PRKN: variants seen among roughly 807,000 people sequenced by gnomAD.
The protein encoded by PRKN is parkin RBR E3 ubiquitin protein ligase.
PRKN carries 56 observed loss-of-function variants against 59.5 expected under a neutral mutation model. The ratio of observed to expected loss-of-function variants is 0.94; its 90% CI spans 0.76 to 1.18. The LOEUF is 1.18. PRKN is among the 50% of genes most tolerant of loss of function. The pLI is 0.00. For missense variants in PRKN, 657 were observed against 596.4 expected, an observed-to-expected ratio of 1.10 and a Z score of -1.06; for synonymous variants, 250 against 222.1, an observed-to-expected ratio of 1.13 and a Z score of -1.12.
chr6:161,824,792 GT>G (rs1258955380), intron 6 of PRKN, among the ~76,000 whole-genome samples: 1 of 152,154 alleles, frequency 6.6e-6, no homozygotes, highest in Admixed American at 6.5e-5. Flanking sequence ...AGATTTAAAT[GT>G]TTTCCTGATT....
In PRKN at chr6:161,355,312, G is replaced by T. The variant is rs1008839277; in HGVS notation, c.1285+4776C>A. ...CTCCTCCTCCGGGTCTGTGTGCCCT[G>T]ATAGCTTGCTTCCTCTATGTTATTT... On this transcript the variant is annotated intron_variant, in intron 11 of 11. Transcript: ENST00000366898. This position sits in a 1 kb window ranked among gnomAD's most constrained non-coding sequence, Gnocchi z 6.8. Among the ~76,000 whole-genome samples the T allele has an allele frequency of 6.6e-6, 1 of 152,352 alleles. No homozygotes were observed. The highest frequency in any genetic ancestry group is 3.4e-3 in the Middle Eastern group (1 of 294).
intron 4 of PRKN, among the ~76,000 whole-genome samples, chr6:162,156,924 T>C (rs1954933): frequency 0.96 from 146,765 of 152,108 alleles, 70,959 homozygotes; most frequent in Non-Finnish European, 1. Flanking sequence ...AGCATCCCCT[T>C]GACGTTAGGC....
intron 7 of PRKN, chr6:161,783,550 T>C (rs1790296313): frequency 2.1e-6 from 1 of 466,150 alleles, no homozygotes; most frequent in Non-Finnish European, 4.1e-6. Context: ...TCGTCTAAAA[T>C]AAAAAGATAC....
intron 4 of PRKN, among the ~76,000 whole-genome samples, chr6:162,172,582 T>C (rs988995082): frequency 2.6e-5 from 4 of 152,204 alleles, no homozygotes; most frequent in African/African-American, 2.4e-5. Flanking sequence ...ATGGGGATTA[T>C]AAGGTACCTA....
chr6:162,491,322 T>C (rs1411260823), intron 1 of PRKN, among the ~76,000 whole-genome samples: 4 of 150,332 alleles, frequency 2.7e-5, no homozygotes, highest in East Asian at 2.0e-4. Context: ...GACCACTTTG[T>C]AGGGTGTAAA....
At chr6:162,273,409 T>G (rs1301017988) in intron 2 of PRKN, among the ~76,000 whole-genome samples, 1 of 152,190 alleles carries the variant, frequency 6.6e-6, no homozygotes, top group African/African-American at 2.4e-5. Flanking sequence ...CATATTGAGC[T>G]GACAATGTCA....
chr6:161,526,229 C>T lies in PRKN; in HGVS notation c.1083+22625G>A, dbSNP rs1164038624. On this transcript the variant is annotated intron_variant, in intron 9 of 11. Transcript: ENST00000366898. The surrounding 1 kb of genome is among the most constrained non-coding windows in gnomAD (Gnocchi z 4.1). ...GCTGGAAAAAGATGTGCATAACTGG[C>T]TCCTGTGAACCTGGTACAGCTGGCT... 6.6e-6 allele frequency among the ~76,000 whole-genome samples: 1 copy of T among 152,314 alleles called. No homozygotes were observed. Among genetic ancestry groups the T allele is most frequent in the South Asian group, 2.1e-4 (1 of 4,830 alleles).
At chr6:162,481,833 G>T (rs1314897519) in intron 1 of PRKN, among the ~76,000 whole-genome samples, 1 of 152,034 alleles carries the variant, frequency 6.6e-6, no homozygotes, top group Non-Finnish European at 1.5e-5. Flanking sequence ...GCGTGTGTTT[G>T]TGTCCTTTAT....
Position 162,720,584 on chromosome 6 carries a change from G to A in PRKN, c.7+7078C>T, listed in dbSNP as rs9968853. On this transcript the variant is annotated intron_variant, in intron 1 of 11. Transcript: ENST00000366898. ...TCCTGCCTCAGCCTCCCGAGTAGCT[G>A]GGACTACAGGCGCCCGCCACCGCGC... Among the ~76,000 whole-genome samples, 1,323 of 151,420 alleles carry A rather than the reference G, an allele frequency of 8.7e-3. 16 individuals are homozygous for A. The highest frequency in any genetic ancestry group is 0.03 in the African/African-American group (1,249 of 41,224).
intron 2 of PRKN, among the ~76,000 whole-genome samples, chr6:162,375,897 A>T (rs1181744988): frequency 6.6e-6 from 1 of 152,022 alleles, no homozygotes; most frequent in Non-Finnish European, 1.5e-5. Context: ...CTTGTCTGGG[A>T]CATCAGCTAC....
At chr6:162,273,994 G>A (rs1780499204) in intron 2 of PRKN, among the ~76,000 whole-genome samples, 1 of 151,782 alleles carries the variant, frequency 6.6e-6, no homozygotes, top group Non-Finnish European at 1.5e-5. Flanking sequence ...AACCTAACTA[G>A]AATACCATTA....
intron 3 of PRKN, among the ~76,000 whole-genome samples, chr6:162,228,146 T>A (rs1778265148): frequency 6.6e-6 from 1 of 152,156 alleles, no homozygotes; most frequent in African/African-American, 2.4e-5. Context: ...AACCACGTAA[T>A]AAGAGAGAAG....
intron 9 of PRKN, among the ~76,000 whole-genome samples, chr6:161,482,905 C>G (rs1463952516): frequency 3.3e-5 from 5 of 152,172 alleles, no homozygotes; most frequent in African/African-American, 1.2e-4. Flanking sequence ...AGTATTTTAG[C>G]TTAGACTTTA....
At chr6:162,259,147 T>G (rs997109366) in intron 3 of PRKN, among the ~76,000 whole-genome samples, 12 of 152,226 alleles carry the variant, frequency 7.9e-5, no homozygotes, top group Non-Finnish European at 1.5e-4. Flanking sequence ...CCAAGGATTT[T>G]TTTCATCTTT....
chr6:161,925,885 C>T (rs1273981540), intron 6 of PRKN, among the ~76,000 whole-genome samples: 4 of 152,146 alleles, frequency 2.6e-5, no homozygotes, highest in Non-Finnish European at 5.9e-5. Context: ...TAGGCACTTA[C>T]CACATGCCAG....
At chr6:162,381,222 C>G (rs933014619) in intron 2 of PRKN, among the ~76,000 whole-genome samples, 1 of 152,128 alleles carries the variant, frequency 6.6e-6, no homozygotes, top group Admixed American at 6.6e-5. Context: ...CTAAAGTTCT[C>G]TTTACTCCCC....
chr6:161,893,215 G>A (rs935092659), intron 6 of PRKN, among the ~76,000 whole-genome samples: 4 of 152,148 alleles, frequency 2.6e-5, no homozygotes, highest in South Asian at 2.1e-4. Context: ...AATCAAAAGC[G>A]GCTTTTGGTA....
Position 161,414,024 on chromosome 6 carries a change from C to G in PRKN, c.1084-27147G>C, listed in dbSNP as rs752761233. 3.3e-5 allele frequency among the ~76,000 whole-genome samples: 5 copies of G among 152,020 alleles called. No individual in the cohort carries two copies. The highest frequency in any genetic ancestry group is 7.4e-5 in the Non-Finnish European group (5 of 68,016). ...GAAGCAGCCAGGCAGAGCGGTGGGA[C>G]GTGAAACTCCTCGACAGCACTGTGT... is the stretch of plus-strand genomic sequence containing the variant. On this transcript the variant is annotated intron_variant, in intron 9 of 11. Coordinates refer to ENST00000366898, the MANE Select transcript of PRKN (RefSeq NM_004562.3). This position sits in a 1 kb window ranked among gnomAD's most constrained non-coding sequence, Gnocchi z 5.3.
intron 1 of PRKN, among the ~76,000 whole-genome samples, chr6:162,472,523 C>G (rs1791807414): frequency 8.5e-6 from 1 of 118,134 alleles, no homozygotes; most frequent in African/African-American, 3.0e-5. Flanking sequence ...CTCTGTCGCC[C>G]AGGCCAGACT....
Sources: gnomAD v4.1 joint callset for allele counts (sites outside exome capture counted in the v4.1 genomes callset) on GRCh38, gnomAD v4.1.1 for gene constraint, Gnocchi (gnomAD v3.1) non-coding constraint, MANE v1.5 for transcripts, NCBI Gene and HGNC (gene_info 2026-07-23, HGNC 2026-07-21) for gene names.